The following BBX variants were observed in gnomAD, a reference collection of about 807,000 sequenced individuals.
The protein encoded by BBX is BBX high mobility group box domain containing, also known as HMG box transcription factor BBX.
Under a neutral mutation model 100.2 loss-of-function variants are expected in BBX, and 30 were observed. The ratio of observed to expected loss-of-function variants is 0.30; its 90% CI spans 0.22 to 0.41. BBX has a LOEUF of 0.41. Among genes scored for constraint, BBX ranks in the 10% least tolerant of loss-of-function variants. BBX has a pLI of 1.00. For synonymous variants in BBX, 376 were observed against 388.1 expected, an observed-to-expected ratio of 0.97 and a Z score of 0.37; for missense variants, 1,023 against 1,129.8, an observed-to-expected ratio of 0.91 and a Z score of 1.35.
chr3:107,626,660 T>G (rs2056200076), intron 2 of BBX, among the ~76,000 whole-genome samples: 2 of 151,520 alleles, frequency 1.3e-5, no homozygotes, highest in African/African-American at 2.4e-5. Context: ...TAGGATTTTT[T>G]TTTTTTTTTT....
chr3:107,805,469 A>G lies in BBX; in HGVS notation c.*12A>G, dbSNP rs761088654. On this transcript the variant is annotated 3_prime_UTR_variant, in exon 18 of 18. Transcript: ENST00000325805. ...GCGCTGACCAGTGAAGCGCCCTTTC[A>G]TTGTAAAACATTGTGCTTTACCTAC... 2.5e-6 allele frequency: 4 copies of G among 1,614,130 alleles called. No homozygotes were observed. Among genetic ancestry groups the G allele is most frequent in the Non-Finnish European group, 3.4e-6 (4 of 1,179,970 alleles).
At chr3:107,671,182 T>G (rs1251555516) in intron 3 of BBX, among the ~76,000 whole-genome samples, 1 of 152,020 alleles carries the variant, frequency 6.6e-6, no homozygotes, top group Non-Finnish European at 1.5e-5. Flanking sequence ...GTCTTAAATA[T>G]GTTCATTGAC....
chr3:107,733,088 GT>G, intron 7 of BBX, 65 bp downstream of exon 7: 1 of 1,382,948 alleles, frequency 7.2e-7, no homozygotes, highest in Non-Finnish European at 1.0e-6. Context: ...GTTATAGTCT[GT>G]TTACGTTGTT....
rs527338058 is a variant in BBX at position 107,526,418 on chromosome 3, G to T, written c.-84+20G>T. The T allele has an allele frequency of 7.5e-6, 3 of 398,516 alleles. No homozygotes were observed. The highest frequency in any genetic ancestry group is 1.3e-5 in the Non-Finnish European group (3 of 226,040). 24.7% of individuals were successfully genotyped at this position (398,516 alleles called of 1,614,324 possible). On this transcript the variant is annotated intron_variant, in intron 2 of 17. Transcript: ENST00000325805. ...TCCTGGGTAAGTATGCAAACTGTTC[G>T]TACAGGGAAGCAGGATGACAATTAG...
At chr3:107,752,827 A>C (rs2065181505) in intron 9 of BBX, among the ~76,000 whole-genome samples, 1 of 152,214 alleles carries the variant, frequency 6.6e-6, no homozygotes, top group Non-Finnish European at 1.5e-5. Context: ...AGTGCCCTCT[A>C]CCTACCAACC....
chr3:107,737,892 T>TTG (rs1553795841), intron 7 of BBX, among the ~76,000 whole-genome samples: 2 of 132,892 alleles, frequency 1.5e-5, no homozygotes, highest in East Asian at 4.2e-4. Context: ...CAGTTTTTTT[T>TTG]TTTTTTTTTT....
At chr3:107,706,468 T>G (rs1480077894) in intron 3 of BBX, among the ~76,000 whole-genome samples, 2 of 150,960 alleles carry the variant, frequency 1.3e-5, no homozygotes, top group Non-Finnish European at 3.0e-5. Flanking sequence ...CATGGGTTGG[T>G]TTTTTTTTCA....
intron 2 of BBX, among the ~76,000 whole-genome samples, chr3:107,644,062 C>T (rs946964089): frequency 4.6e-5 from 7 of 152,114 alleles, no homozygotes; most frequent in African/African-American, 1.7e-4. Context: ...ATAGTTGCAT[C>T]ATGGGTAATA....
chr3:107,749,904 G>A (rs1560091621), intron 9 of BBX, among the ~76,000 whole-genome samples: 1 of 152,114 alleles, frequency 6.6e-6, no homozygotes, highest in Non-Finnish European at 1.5e-5. Flanking sequence ...AAAATGCTGG[G>A]ATTACAGGTG....
chr3:107,723,125 G>A (rs946656026), intron 5 of BBX, among the ~76,000 whole-genome samples: 1 of 151,844 alleles, frequency 6.6e-6, no homozygotes, highest in Non-Finnish European at 1.5e-5. Flanking sequence ...CACCAGAGTC[G>A]TCTATCTTTA....
At chr3:107,718,144 T>C (rs968738828) in intron 5 of BBX, among the ~76,000 whole-genome samples, 1 of 149,714 alleles carries the variant, frequency 6.7e-6, no homozygotes, top group African/African-American at 2.4e-5. Context: ...ATTAGCATAG[T>C]TGCTACTAAA....
intron 2 of BBX, among the ~76,000 whole-genome samples, chr3:107,610,415 T>C (rs1044192475): frequency 6.6e-6 from 1 of 152,030 alleles, no homozygotes; most frequent in Non-Finnish European, 1.5e-5. Context: ...TCTTTGTTAA[T>C]TTTCTGTCCA....
chr3:107,653,908 C>T (rs1164752984), intron 3 of BBX, among the ~76,000 whole-genome samples: 2 of 152,126 alleles, frequency 1.3e-5, no homozygotes, highest in African/African-American at 4.8e-5. Flanking sequence ...GAAAAATTAA[C>T]ACCTATCAAA....
intron 3 of BBX, among the ~76,000 whole-genome samples, chr3:107,689,322 G>T (rs1373235229): frequency 6.6e-6 from 1 of 152,154 alleles, no homozygotes; most frequent in Admixed American, 6.5e-5. Flanking sequence ...TACGTGCTGT[G>T]TTGCTTATGA....
At chr3:107,569,451 G>T (rs950358654) in intron 2 of BBX, among the ~76,000 whole-genome samples, 1 of 151,658 alleles carries the variant, frequency 6.6e-6, no homozygotes, top group Admixed American at 6.6e-5. Flanking sequence ...GGGTGCAGGC[G>T]GGCTGAGTCC....
chr3:107,752,526 A>G (rs2065152231), intron 9 of BBX, among the ~76,000 whole-genome samples: 1 of 152,186 alleles, frequency 6.6e-6, no homozygotes, highest in African/African-American at 2.4e-5. Context: ...CAAGACTTCC[A>G]CCATTACCTA....
chr3:107,666,133 T>C (rs148015648), intron 3 of BBX, among the ~76,000 whole-genome samples: 72 of 152,322 alleles, frequency 4.7e-4, no homozygotes, highest in African/African-American at 1.6e-3. Context: ...TTTTGAACTC[T>C]GCACCAGAGG....
At chr3:107,741,975 TA>T (rs1283973465) in intron 7 of BBX, among the ~76,000 whole-genome samples, 1 of 152,352 alleles carries the variant, frequency 6.6e-6, no homozygotes, top group African/African-American at 2.4e-5. Flanking sequence ...TTCATATTTA[TA>T]TTTGCCATGT....
chr3:107,704,732 C>T (rs2061289580), intron 3 of BBX, among the ~76,000 whole-genome samples: 1 of 152,142 alleles, frequency 6.6e-6, no homozygotes, highest in South Asian at 2.1e-4. Context: ...GCCCTACTTC[C>T]CAACACTGTT....
Sources: gnomAD v4.1 joint callset for allele counts (sites outside exome capture counted in the v4.1 genomes callset) on GRCh38, gnomAD v4.1.1 for gene constraint, MANE v1.5 for transcripts, NCBI Gene and HGNC (gene_info 2026-07-23, HGNC 2026-07-21) for gene names.